Variants in DNAJC5B observed in about 807,000 individuals in gnomAD.
DNAJC5B encodes dnaJ homolog subfamily C member 5B.
Under a neutral mutation model 24.7 loss-of-function variants are expected in DNAJC5B, and 23 were observed. That is an observed-to-expected ratio of 0.93 (90% confidence interval 0.67 to 1.32). The LOEUF is 1.32. Ranked by LOEUF, DNAJC5B falls within the 40% of genes most tolerant of loss-of-function variation. DNAJC5B has a pLI of 0.00. For missense variants in DNAJC5B, 238 were observed against 240.8 expected (o/e 0.99, Z 0.08); for synonymous variants, 101 against 90.1 (o/e 1.12, Z -0.68).
chr8:66,095,720 T>A (rs1563614461), intron 5 of DNAJC5B, among the ~76,000 whole-genome samples: 1 of 150,830 alleles, frequency 6.6e-6, no homozygotes, highest in Non-Finnish European at 1.5e-5. Context: ...ATTGTTCTCA[T>A]CATCTGAGTT....
intron 3 of DNAJC5B, among the ~76,000 whole-genome samples, chr8:66,071,360 A>T (rs1807344289): frequency 6.6e-6 from 1 of 152,326 alleles, no homozygotes; most frequent in South Asian, 2.1e-4. Flanking sequence ...ACAAGAAAAA[A>T]ACAAACAACC....
rs976045176 is a variant in DNAJC5B, at chr8:66,101,210, T to C, written c.*1179T>C. 5.3e-5 allele frequency among the ~76,000 whole-genome samples: 8 copies of C among 152,220 alleles called. No homozygotes were observed. The highest frequency in any genetic ancestry group is 4.6e-4 in the Admixed American group (7 of 15,280). On this transcript the variant is annotated 3_prime_UTR_variant, in exon 6 of 6. Transcript: ENST00000276570. ...TGTAAGTGAGAATTAGTGTTATAGC[T>C]CTGATAGTTCTGAGGTCATTAAAAT...
chr8:66,032,151 ACAAG>A (rs1435603270), intron 1 of DNAJC5B, among the ~76,000 whole-genome samples: 3 of 152,370 alleles, frequency 2.0e-5, no homozygotes, highest in African/African-American at 7.2e-5. Context: ...GGATTTCAAC[ACAAG>A]TCTAAAACAC....
At chr8:66,052,396 C>A (rs1473362677) in intron 3 of DNAJC5B, among the ~76,000 whole-genome samples, 1 of 152,044 alleles carries the variant, frequency 6.6e-6, no homozygotes, top group Non-Finnish European at 1.5e-5. Flanking sequence ...TGGTCTAGTT[C>A]CAAGTTAGCT....
intron 5 of DNAJC5B, among the ~76,000 whole-genome samples, chr8:66,094,164 T>C (rs1435317956): frequency 6.6e-6 from 1 of 152,150 alleles, no homozygotes; most frequent in African/African-American, 2.4e-5. Context: ...TGCTTTCTTA[T>C]ATAAATCTCA....
At chr8:66,086,548 T>A (rs762935668) in intron 5 of DNAJC5B, among the ~76,000 whole-genome samples, 41 of 152,086 alleles carry the variant, frequency 2.7e-4, no homozygotes, top group Non-Finnish European at 4.7e-4. Context: ...CTACATTATA[T>A]AAAGATGTTT....
At chr8:66,028,083 C>T (rs998919842) in intron 1 of DNAJC5B, among the ~76,000 whole-genome samples, 6 of 152,138 alleles carry the variant, frequency 3.9e-5, no homozygotes, top group Admixed American at 6.5e-5. Context: ...GGGCTCAGAG[C>T]GAAGAAGCAG....
intron 1 of DNAJC5B, among the ~76,000 whole-genome samples, chr8:66,034,908 CA>C (rs1408462260): frequency 1.3e-5 from 2 of 152,184 alleles, no homozygotes; most frequent in Non-Finnish European, 2.9e-5. Context: ...ATATGAATTA[CA>C]TACAAATTGG....
intron 3 of DNAJC5B, among the ~76,000 whole-genome samples, chr8:66,065,550 C>T (rs1807172492): frequency 6.6e-6 from 1 of 152,198 alleles, no homozygotes; most frequent in African/African-American, 2.4e-5. Flanking sequence ...TCCCTAAGCC[C>T]TGCTAGCATT....
upstream of DNAJC5B, among the ~76,000 whole-genome samples, chr8:66,019,818 A>C (rs971260746): frequency 3.9e-5 from 6 of 152,236 alleles, no homozygotes; most frequent in African/African-American, 9.6e-5. Flanking sequence ...ACAGTGCTTC[A>C]AAAAACCTCT....
At position 66,051,632 on chromosome 8, in the gene DNAJC5B, G is replaced by A; in HGVS notation, c.85G>A (p.Gly29Arg). 3 of 1,613,382 alleles carry A rather than the reference G, an allele frequency of 1.9e-6. No homozygotes were observed. The highest frequency in any genetic ancestry group is 1.3e-5 in the African/African-American group (1 of 74,972). ...ALYEILGLHK[G>R]ASNEEIKKTY... is the part of the protein sequence containing the mutation. ...ATACGAAATTCTTGGTCTGCATAAGGGAGCATCAAATGAAGAAATTAAGAA... is the reference window on the plus strand; with the variant it reads ...ATACGAAATTCTTGGTCTGCATAAGAGAGCATCAAATGAAGAAATTAAGAA... Residue 29 changes from glycine (G) to arginine (R), a missense_variant, in exon 3 of 6, where the codon GGA becomes AGA. Gly to Arg is a moderately radical substitution (Grantham distance 125). Coordinates refer to ENST00000276570, the MANE Select transcript of DNAJC5B (RefSeq NM_033105.6).
At chr8:66,082,928 C>A (rs1049720187) in intron 5 of DNAJC5B, among the ~76,000 whole-genome samples, 13 of 150,996 alleles carry the variant, frequency 8.6e-5, no homozygotes, top group African/African-American at 2.9e-4. Context: ...TCCCCTGAGG[C>A]TTTGTGGCTG....
chr8:66,097,452 G>T (rs970445527), intron 5 of DNAJC5B, among the ~76,000 whole-genome samples: 1 of 151,166 alleles, frequency 6.6e-6, no homozygotes, highest in Non-Finnish European at 1.5e-5. Flanking sequence ...TTATATTTTA[G>T]ATTTTTCTCA....
chr8:66,076,648 T>C lies in DNAJC5B; in HGVS notation c.120-12T>C. The stretch of plus-strand genomic sequence containing the variant: ...ATAACACACTCTCCTTGTTTTTCTT[T>C]TATTTTAAAAGAAAATTGGCCCTGA... On this transcript the variant is annotated splice_polypyrimidine_tract_variant and intron_variant, in intron 3 of 5. Coordinates refer to ENST00000276570, the MANE Select transcript of DNAJC5B (RefSeq NM_033105.6). 1 of 1,613,596 alleles carries C rather than the reference T, an allele frequency of 6.2e-7. No homozygotes were observed. The highest frequency in any genetic ancestry group is 8.5e-7 in the Non-Finnish European group (1 of 1,179,816).
intron 3 of DNAJC5B, among the ~76,000 whole-genome samples, chr8:66,071,481 C>T (rs1178277351): frequency 6.6e-6 from 1 of 152,114 alleles, no homozygotes; most frequent in Non-Finnish European, 1.5e-5. Context: ...TAGAGAAATG[C>T]AAATCAAAAC....
At chr8:66,017,494 A>G (rs1805985817), upstream of DNAJC5B, among the ~76,000 whole-genome samples, 1 of 152,214 alleles carries the variant, frequency 6.6e-6, no homozygotes, top group African/African-American at 2.4e-5. Context: ...TTCCATTTCT[A>G]TTAAGCATAA....
At chr8:66,052,554 C>CA (rs765785676) in intron 3 of DNAJC5B, among the ~76,000 whole-genome samples, 2 of 151,864 alleles carry the variant, frequency 1.3e-5, no homozygotes, top group Admixed American at 1.3e-4. Context: ...ACTCAAAGCA[C>CA]AAAAAAAATC....
intron 3 of DNAJC5B, among the ~76,000 whole-genome samples, chr8:66,068,196 C>A (rs897324387): frequency 1.3e-5 from 2 of 152,038 alleles, no homozygotes; most frequent in Non-Finnish European, 2.9e-5. Context: ...CAAATCAAGA[C>A]AATATGAACA....
At chr8:66,062,953 T>G (rs1411509831) in intron 3 of DNAJC5B, among the ~76,000 whole-genome samples, 1 of 152,136 alleles carries the variant, frequency 6.6e-6, no homozygotes, top group Non-Finnish European at 1.5e-5. Context: ...GAGGCTGCAG[T>G]AGGCCATGAT....
Sources: allele counts gnomAD v4.1 joint callset (sites outside exome capture counted in the v4.1 genomes callset), GRCh38; gene constraint gnomAD v4.1.1; transcripts MANE v1.5; gene names NCBI Gene and HGNC (gene_info 2026-07-23, HGNC 2026-07-21).